JAKMIP1: variants seen among roughly 807,000 people sequenced by gnomAD.
JAKMIP1 encodes janus kinase and microtubule-interacting protein 1.
A neutral mutation model predicts 113.0 loss-of-function variants in JAKMIP1; 33 were observed. That is an observed-to-expected ratio of 0.29 (90% CI 0.22 to 0.39). JAKMIP1 has a LOEUF of 0.39. Among genes scored for constraint, JAKMIP1 ranks in the 10% least tolerant of loss-of-function variants. The pLI, the probability that JAKMIP1 is intolerant of heterozygous loss-of-function variation, is 1.00. For missense variants in JAKMIP1, 813 were observed against 1,080.5 expected (o/e 0.75, Z 3.47); for synonymous variants, 480 against 459.9 (o/e 1.04, Z -0.56).
chr4:6,170,974 C>CCA (rs1724565748), intron 1 of JAKMIP1, among the ~76,000 whole-genome samples: 2 of 150,202 alleles, frequency 1.3e-5, no homozygotes, highest in Admixed American at 1.3e-4. Flanking sequence ...CCCACCATCA[C>CCA]TGACACCACC....
Position 6,062,579 on chromosome 4 carries a change from C to T in JAKMIP1, c.1432-139G>A. 3.3e-6 allele frequency: 3 copies of T among 898,900 alleles called. No individual in the cohort carries two copies. The South Asian group carries it at 5.2e-5, about 16-fold the overall frequency. The allele number at this position is 898,900 out of a possible 1,614,324, so 55.7% of individuals were successfully genotyped here. ...CAGGGTCAACTTAGACATCAAACGACCACATCTCACAGTGCTGCCAACAGG... is the reference window on the plus strand; with the variant it reads ...CAGGGTCAACTTAGACATCAAACGATCACATCTCACAGTGCTGCCAACAGG... On this transcript the variant is annotated intron_variant, in intron 9 of 20. Coordinates refer to ENST00000409021, the MANE Select transcript of JAKMIP1 (RefSeq NM_001099433.2).
chr4:6,090,162 C>T (rs1446955429), intron 3 of JAKMIP1, among the ~76,000 whole-genome samples: 1 of 151,724 alleles, frequency 6.6e-6, no homozygotes, highest in Non-Finnish European at 1.5e-5. Flanking sequence ...GCAGAGGTTG[C>T]AGTGAGCCGA....
chr4:6,123,168 G>A (rs190434135), intron 1 of JAKMIP1, among the ~76,000 whole-genome samples: 3 of 152,320 alleles, frequency 2.0e-5, no homozygotes, highest in Admixed American at 6.5e-5. Context: ...CCTATCTTGA[G>A]GTTGTACAGT....
rs138055193 is a variant in JAKMIP1 at position 6,082,336 on chromosome 4, C to A, written c.955-581G>T. 2.5e-3 allele frequency among the ~76,000 whole-genome samples: 379 copies of A among 152,016 alleles called. 1 individual carries two copies. Among genetic ancestry groups the A allele is most frequent in the African/African-American group, 8.5e-3 (351 of 41,472 alleles). On this transcript the variant is annotated intron_variant, in intron 5 of 20. Coordinates refer to ENST00000409021, the MANE Select transcript of JAKMIP1 (RefSeq NM_001099433.2). ...GTATAGGTTGAAATATAAAATGTAC[C>A]ATGTGACCCATGCATTCTACTTCTA...
chr4:6,141,574 T>C lies in JAKMIP1; in HGVS notation c.-147-28577A>G, dbSNP rs140344872. ...CTTAGGACCCCCATAAATAATTTTA[T>C]GGGCAACAGCACCTATGCCCCAGGG... On this transcript the variant is annotated intron_variant, in intron 1 of 20. Transcript: ENST00000409021. The surrounding 1 kb of genome is among the most constrained non-coding windows in gnomAD (Gnocchi z 9.4). Among the ~76,000 whole-genome samples the C allele has an allele frequency of 0.015, 2,280 of 152,358 alleles. 49 individuals carry two copies. The highest frequency in any genetic ancestry group is 0.051 in the African/African-American group (2,133 of 41,584).
At position 6,142,942 on chromosome 4, in the gene JAKMIP1, G is replaced by T. The variant is rs188328751; in HGVS notation, c.-147-29945C>A. Among the ~76,000 whole-genome samples the T allele has an allele frequency of 6.6e-6, 1 of 152,204 alleles. No individual in the cohort carries two copies. Among genetic ancestry groups the T allele is most frequent in the African/African-American group, 2.4e-5 (1 of 41,448 alleles). ...GGCCCCTCAGTCCAGCACTGTGTGT[G>T]TGTGTGTTTGTGGCCTCTCATCTCT... On this transcript the variant is annotated intron_variant, in intron 1 of 20. Coordinates refer to ENST00000409021, the MANE Select transcript of JAKMIP1 (RefSeq NM_001099433.2). This position sits in a 1 kb window ranked among gnomAD's most constrained non-coding sequence, Gnocchi z 5.5.
intron 16 of JAKMIP1, among the ~76,000 whole-genome samples, chr4:6,046,900 C>T (rs566711412): frequency 6.6e-6 from 1 of 152,286 alleles, no homozygotes; most frequent in Non-Finnish European, 1.5e-5. Context: ...CCTGGCCCTC[C>T]AACACCCCCT....
intron 1 of JAKMIP1, among the ~76,000 whole-genome samples, chr4:6,159,602 G>C (rs1055472084): frequency 6.6e-6 from 1 of 152,232 alleles, no homozygotes; most frequent in African/African-American, 2.4e-5. Flanking sequence ...TGTTCAGCCT[G>C]CCTGGTAACT....
rs1184052768 is a variant in JAKMIP1 at position 6,188,071 on chromosome 4, T to A, written c.-148+12182A>T. On this transcript the variant is annotated intron_variant, in intron 1 of 20. Coordinates refer to ENST00000409021, the MANE Select transcript of JAKMIP1 (RefSeq NM_001099433.2). The surrounding 1 kb of genome is among the most constrained non-coding windows in gnomAD (Gnocchi z 5.8). ...GTTAAGTTTCTTAAATGGCTAATTTTCAAATCTGTCATTTTTTTTTCTTTT... is the reference window on the plus strand; with the variant it reads ...GTTAAGTTTCTTAAATGGCTAATTTACAAATCTGTCATTTTTTTTTCTTTT... Among the ~76,000 whole-genome samples, 1 of 152,202 alleles carries A rather than the reference T, an allele frequency of 6.6e-6. No individual in the cohort carries two copies. Among genetic ancestry groups the A allele is most frequent in the Non-Finnish European group, 1.5e-5 (1 of 68,042 alleles).
chr4:6,174,080 A>T (rs1725057624), intron 1 of JAKMIP1, among the ~76,000 whole-genome samples: 1 of 152,228 alleles, frequency 6.6e-6, no homozygotes, highest in African/African-American at 2.4e-5. Flanking sequence ...ACATACATAC[A>T]TACATAAAAT....
In JAKMIP1 at chr4:6,080,085, C is replaced by A. The variant is rs989635773; in HGVS notation, c.1242+87G>T. On this transcript the variant is annotated intron_variant, in intron 7 of 20. Coordinates refer to ENST00000409021, the MANE Select transcript of JAKMIP1 (RefSeq NM_001099433.2). This position sits in a 1 kb window ranked among gnomAD's most constrained non-coding sequence, Gnocchi z 6.0. ...ACCCTGACCCAGCTCAGCAGCATCACCCTGAGCCCCAACACCCGTTCCTGA... is the reference window on the plus strand; with the variant it reads ...ACCCTGACCCAGCTCAGCAGCATCAACCTGAGCCCCAACACCCGTTCCTGA... 7.6e-6 allele frequency: 11 copies of A among 1,446,126 alleles called. No homozygotes were observed. The highest frequency in any genetic ancestry group is 1.0e-5 in the Non-Finnish European group (11 of 1,074,540). 89.6% of individuals were successfully genotyped at this position (1,446,126 alleles called of 1,614,324 possible).
intron 19 of JAKMIP1, among the ~76,000 whole-genome samples, chr4:6,030,180 G>C (rs1712421108): frequency 6.6e-6 from 1 of 152,118 alleles, no homozygotes; most frequent in Non-Finnish European, 1.5e-5. Flanking sequence ...AAAGGTCATG[G>C]GTGGGATGTG....
At chr4:6,170,357 A>T in intron 1 of JAKMIP1, among the ~76,000 whole-genome samples, 2 of 148,250 alleles carry the variant, frequency 1.3e-5, no homozygotes. Flanking sequence ...CACCACCACC[A>T]CCACCACCTC....
chr4:6,171,485 C>T (rs1724708383), intron 1 of JAKMIP1, among the ~76,000 whole-genome samples: 1 of 152,138 alleles, frequency 6.6e-6, no homozygotes, highest in Non-Finnish European at 1.5e-5. Flanking sequence ...CACCAGCAGG[C>T]ATTGCCAATG....
In JAKMIP1 at chr4:6,094,007, C is replaced by CG. The variant is rs1722461952; in HGVS notation, c.625-8379dup. ...CTCCCAAGCAGAGATCACATGGGAG[C>CG]GGGTGTCACCTGTCACCCCAGTAGA... On this transcript the variant is annotated intron_variant, in intron 3 of 20. Transcript: ENST00000409021. The surrounding 1 kb of genome is among the most constrained non-coding windows in gnomAD (Gnocchi z 4.2). Among the ~76,000 whole-genome samples the CG allele has an allele frequency of 6.6e-6, 1 of 151,918 alleles. No homozygotes were observed. The highest frequency in any genetic ancestry group is 1.5e-5 in the Non-Finnish European group (1 of 67,994).
intron 1 of JAKMIP1, 40 bp from the exon 2 acceptor site, chr4:6,113,037 G>C: frequency 1.1e-6 from 1 of 937,722 alleles, no homozygotes; most frequent in Non-Finnish European, 1.5e-6. Context: ...GAGACAGAAG[G>C]GTGGGGAGCT....
intron 2 of JAKMIP1, among the ~76,000 whole-genome samples, chr4:6,109,506 G>A (rs766001418): frequency 6.6e-6 from 1 of 151,730 alleles, no homozygotes; most frequent in Non-Finnish European, 1.5e-5. Context: ...TGAAGCCTTG[G>A]GTTCTGCTTG....
At chr4:6,119,799 T>C (rs1716436704) in intron 1 of JAKMIP1, among the ~76,000 whole-genome samples, 2 of 152,126 alleles carry the variant, frequency 1.3e-5, no homozygotes, top group South Asian at 4.2e-4. Context: ...GCCTCCAAGG[T>C]GCAGATGGAA....
chr4:6,199,508 G>A lies in JAKMIP1; in HGVS notation c.-148+745C>T, dbSNP rs909249831. Among the ~76,000 whole-genome samples the A allele has an allele frequency of 6.6e-6, 1 of 152,160 alleles. No individual in the cohort carries two copies. Among genetic ancestry groups the A allele is most frequent in the African/African-American group, 2.4e-5 (1 of 41,462 alleles). ...CGCAGGGCGCCCGGCAAGGTGTCTGGCACCACGAGAGTCAATCCTTGCGCG... is the reference window on the plus strand; with the variant it reads ...CGCAGGGCGCCCGGCAAGGTGTCTGACACCACGAGAGTCAATCCTTGCGCG... On this transcript the variant is annotated intron_variant, in intron 1 of 20. Transcript: ENST00000409021. The surrounding 1 kb of genome is among the most constrained non-coding windows in gnomAD (Gnocchi z 5.6).
Sources: allele counts gnomAD v4.1 joint callset (sites outside exome capture counted in the v4.1 genomes callset), GRCh38; gene constraint gnomAD v4.1.1; non-coding constraint Gnocchi (gnomAD v3.1); transcripts MANE v1.5; gene names NCBI Gene and HGNC (gene_info 2026-07-23, HGNC 2026-07-21).